MCM5: variants seen among roughly 807,000 people sequenced by gnomAD.
The protein encoded by MCM5 is minichromosome maintenance complex component 5.
A neutral mutation model predicts 79.9 loss-of-function variants in MCM5; 46 were observed. That is an observed-to-expected ratio of 0.58 (90% CI 0.45 to 0.74). MCM5 has a LOEUF of 0.74. MCM5 is among the 30% of genes least tolerant of loss of function. MCM5 has a pLI of 0.00. For synonymous variants in MCM5, 404 were observed against 390.5 expected, an observed-to-expected ratio of 1.03 and a Z score of -0.41; for missense variants, 883 against 1,017.0, an observed-to-expected ratio of 0.87 and a Z score of 1.79.
chr22:35,412,159 C>G (rs1932400782), intron 7 of MCM5, among the ~76,000 whole-genome samples: 1 of 152,252 alleles, frequency 6.6e-6, no homozygotes, highest in African/African-American at 2.4e-5. Context: ...CCTACCTTCT[C>G]TGTTCTGCAG....
At chr22:35,406,057 G>A (rs556241748) in intron 4 of MCM5, among the ~76,000 whole-genome samples, 42 of 152,044 alleles carry the variant, frequency 2.8e-4, no homozygotes, top group Non-Finnish European at 4.3e-4. Flanking sequence ...CTTATTGTCC[G>A]GTGTGGGAAT....
At chr22:35,421,490 T>A (rs574080752) in intron 15 of MCM5, 30 bp downstream of exon 15, 2 of 1,613,620 alleles carry the variant, frequency 1.2e-6, no homozygotes, top group Middle Eastern at 1.6e-4. Flanking sequence ...ATGGTCTCAA[T>A]TGATCTGGGT....
chr22:35,419,290 C>T (rs1932630455), intron 13 of MCM5, among the ~76,000 whole-genome samples: 1 of 152,140 alleles, frequency 6.6e-6, no homozygotes, highest in Non-Finnish European at 1.5e-5. Context: ...TAAGGCTTTC[C>T]CTACATCAGT....
the MCM5 span, among the ~76,000 whole-genome samples, chr22:35,438,733 A>ATCTGT: frequency 7.2e-6 from 1 of 138,992 alleles, no homozygotes; most frequent in African/African-American, 2.8e-5. Flanking sequence ...CCATCCATCC[A>ATCTGT]CATATTCATC....
Position 35,410,791 on chromosome 22 carries a change from G to C in MCM5, c.800G>C (p.Gly267Ala). The C allele has an allele frequency of 6.2e-7, 1 of 1,614,086 alleles. No homozygotes were observed. Among genetic ancestry groups the C allele is most frequent in the Non-Finnish European group, 8.5e-7 (1 of 1,179,976 alleles). ...CCTGGGAACAGGGTTACCATCATGG[G>C]CATCTACTCCATCAAGAAGTTTGGC... The part of the protein sequence containing the change: ...VVPGNRVTIM[G>A]IYSIKKFGLT... The change falls in exon 7 of 17, where the codon GGC becomes GCC. Residue 267 changes from glycine (G) to alanine (A), a missense_variant. By Grantham distance (60) the Gly-to-Ala change is moderately conservative (BLOSUM62 0). Around this residue, in one of 3 missense-constraint regions of MCM5, gnomAD observed 455 missense variants for 517.5 expected, o/e 0.88. Coordinates refer to ENST00000216122, the MANE Select transcript of MCM5 (RefSeq NM_006739.4).
the MCM5 span, among the ~76,000 whole-genome samples, chr22:35,449,236 G>A: frequency 6.6e-6 from 1 of 152,214 alleles, no homozygotes; most frequent in East Asian, 1.9e-4. Context: ...AGAACTGAAG[G>A]AGGAGGAGAG....
At chr22:35,400,686 A>G (rs2307337) in intron 2 of MCM5, 81 bp downstream of exon 2, 2 of 1,447,956 alleles carry the variant, frequency 1.4e-6, no homozygotes, top group Non-Finnish European at 1.8e-6. Context: ...AGTCCTGGAC[A>G]GTCAGGGCAC....
At chr22:35,415,775 G>T in intron 9 of MCM5, 54 bp from the exon 10 acceptor site, 1 of 1,584,772 alleles carries the variant, frequency 6.3e-7, no homozygotes. Flanking sequence ...TTTGTCTTAT[G>T]GGGGTCAAAG....
the MCM5 span, among the ~76,000 whole-genome samples, chr22:35,447,952 C>T: frequency 3.9e-5 from 6 of 152,202 alleles, no homozygotes; most frequent in African/African-American, 7.2e-5. Flanking sequence ...TGGGGCCTGG[C>T]ATTGTGCCCA....
the MCM5 span, among the ~76,000 whole-genome samples, chr22:35,433,800 A>G: frequency 1.1e-4 from 16 of 152,148 alleles, no homozygotes; most frequent in African/African-American, 3.9e-4. Context: ...CCCTCCTCAG[A>G]GGCACTGGGC....
chr22:35,453,819 T>TATATATATATAG, the MCM5 span, among the ~76,000 whole-genome samples: 407 of 81,506 alleles, frequency 5.0e-3, 4 homozygotes, highest in Non-Finnish European at 7.0e-3. Context: ...TATATATATA[T>TATATATATATAG]AGAGAGAGAG....
Position 35,412,576 on chromosome 22 carries a change from C to T in MCM5, c.986C>T (p.Pro329Leu). 1 of 1,584,294 alleles carries T rather than the reference C, an allele frequency of 6.3e-7. No homozygotes were observed. The highest frequency in any genetic ancestry group is 8.6e-7 in the Non-Finnish European group (1 of 1,163,420). Residue 329 changes from proline (P) to leucine (L), a missense_variant, in exon 8 of 17, where the codon CCA becomes CTA. Pro to Leu is a moderately conservative substitution (Grantham distance 98). Coordinates refer to ENST00000216122, the MANE Select transcript of MCM5 (RefSeq NM_006739.4). ...EEEFRRLAAL[P>L]NVYEVISKSI... ...GAGTTCCGTCGCCTGGCTGCCCTCC[C>T]AAATGTCTATGAGGTCATCTCCAAG...
At chr22:35,420,147 C>A in intron 14 of MCM5, 135 bp downstream of exon 14, 1 of 1,056,500 alleles carries the variant, frequency 9.5e-7, no homozygotes, top group Non-Finnish European at 1.3e-6. Flanking sequence ...AGGAAGAGTC[C>A]CTTTGGAGCA....
chr22:35,451,426 C>T, the MCM5 span, among the ~76,000 whole-genome samples: 1 of 152,254 alleles, frequency 6.6e-6, no homozygotes, highest in Non-Finnish European at 1.5e-5. Context: ...GCTGCGCGTT[C>T]ATGGAGATGG....
At chr22:35,436,628 C>G in the MCM5 span, among the ~76,000 whole-genome samples, 2 of 152,178 alleles carry the variant, frequency 1.3e-5, no homozygotes, top group Non-Finnish European at 1.5e-5. Context: ...TCAATTCCCC[C>G]CTTCACTCTT....
the MCM5 span, among the ~76,000 whole-genome samples, chr22:35,439,743 T>C: frequency 6.6e-6 from 1 of 152,204 alleles, no homozygotes; most frequent in Admixed American, 6.5e-5. Context: ...ACTTACTAAC[T>C]CTGTGAAGTT....
the MCM5 span, among the ~76,000 whole-genome samples, chr22:35,444,250 G>A: frequency 6.6e-5 from 10 of 151,234 alleles, no homozygotes; most frequent in Non-Finnish European, 1.3e-4. Flanking sequence ...AAGTGGGGAG[G>A]AATTAATGGG....
chr22:35,432,701 C>G, the MCM5 span, among the ~76,000 whole-genome samples: 4 of 151,680 alleles, frequency 2.6e-5, no homozygotes, highest in East Asian at 1.9e-4. Flanking sequence ...TCATCTGGCT[C>G]TGTGTGTGTG....
intron 12 of MCM5, among the ~76,000 whole-genome samples, chr22:35,417,279 G>A (rs757671959): frequency 4.6e-5 from 7 of 152,110 alleles, no homozygotes; most frequent in Non-Finnish European, 7.3e-5. Flanking sequence ...CTTTGTACTT[G>A]GGCAGCTGTT....
Sources: allele counts gnomAD v4.1 joint callset (sites outside exome capture counted in the v4.1 genomes callset), GRCh38; gene constraint gnomAD v4.1.1; regional missense constraint gnomAD v4.1.1; transcripts MANE v1.5; gene names NCBI Gene and HGNC (gene_info 2026-07-23, HGNC 2026-07-21).